The following TMEM132C variants were observed in gnomAD, a reference collection of about 807,000 sequenced individuals.
TMEM132C encodes the protein transmembrane protein 132C, also known as protein phosphatase 1, regulatory subunit 152.
A neutral mutation model predicts 61.4 loss-of-function variants in TMEM132C; 29 were observed. The ratio of observed to expected loss-of-function variants is 0.47; its 90% CI spans 0.35 to 0.64. TMEM132C has a LOEUF of 0.64. TMEM132C is among the 30% of genes least tolerant of loss of function. The pLI is 0.00. For missense variants in TMEM132C, 1,408 were observed against 1,476.9 expected (o/e 0.95, Z 0.76); for synonymous variants, 656 against 633.1 (o/e 1.04, Z -0.54).
chr12:128,449,772 T>C (rs544281386), intron 2 of TMEM132C, among the ~76,000 whole-genome samples: 1 of 152,252 alleles, frequency 6.6e-6, no homozygotes, highest in East Asian at 1.9e-4. Context: ...AGCTATGCAG[T>C]GATTAAAGTA....
intron 2 of TMEM132C, among the ~76,000 whole-genome samples, chr12:128,536,312 G>C (rs1425366021): frequency 1.3e-5 from 2 of 151,940 alleles, no homozygotes; most frequent in Non-Finnish European, 2.9e-5. Flanking sequence ...AACACCGCAT[G>C]TTCTCACTCA....
intron 1 of TMEM132C, among the ~76,000 whole-genome samples, chr12:128,410,099 C>A (rs185619548): frequency 1.3e-5 from 2 of 152,088 alleles, no homozygotes; most frequent in Admixed American, 6.5e-5. Context: ...CAGGAAAAAT[C>A]TCTAAGGAAG....
rs201528105 is a variant in TMEM132C at position 128,664,030 on chromosome 12, G to A, written c.1306-5387G>A. Among the ~76,000 whole-genome samples the A allele has an allele frequency of 4.2e-4, 42 of 99,754 alleles. 2 individuals are homozygous for A. The East Asian group carries it at 0.011, about 26-fold the overall frequency. 65.4% of individuals were successfully genotyped at this position (99,754 alleles called of 152,430 possible). ...CACACACGCATACACACAGGCACACGCACCCACACGCACGCACGCGGGCAC... is the reference window on the plus strand; with the variant it reads ...CACACACGCATACACACAGGCACACACACCCACACGCACGCACGCGGGCAC... On this transcript the variant is annotated intron_variant, in intron 4 of 8. Transcript: ENST00000435159.
chr12:128,672,436 G>A (rs1447339131), intron 5 of TMEM132C, among the ~76,000 whole-genome samples: 2 of 152,110 alleles, frequency 1.3e-5, no homozygotes. Context: ...TATCACAGCT[G>A]TATACATAGC....
chr12:128,522,238 G>C (rs1345600837), intron 2 of TMEM132C, among the ~76,000 whole-genome samples: 1 of 152,204 alleles, frequency 6.6e-6, no homozygotes, highest in Non-Finnish European at 1.5e-5. Context: ...CAAGCAGGAA[G>C]CTGCTGCTGC....
Position 128,267,377 on chromosome 12 carries a change from G to A in TMEM132C, c.-26G>A, listed in dbSNP as rs1870341496. On this transcript the variant is annotated 5_prime_UTR_variant, in exon 1 of 9. Coordinates refer to ENST00000435159, the MANE Select transcript of TMEM132C (RefSeq NM_001136103.3). ...GGCGCTGCGCTTCGGGCTGGCGGCG[G>A]GCTGCGTGAGCGGCCGGGACGCAGG... is the stretch of plus-strand genomic sequence containing the variant. 1.8e-6 allele frequency: 2 copies of A among 1,092,858 alleles called. No individual in the cohort carries two copies. Among genetic ancestry groups the A allele is most frequent in the African/African-American group, 1.7e-5 (1 of 59,416 alleles). 67.7% of individuals were successfully genotyped at this position (1,092,858 alleles called of 1,614,324 possible).
chr12:128,565,522 G>A (rs1355373450), intron 3 of TMEM132C, among the ~76,000 whole-genome samples: 1 of 152,210 alleles, frequency 6.6e-6, no homozygotes, highest in Admixed American at 6.5e-5. Flanking sequence ...ATAGGAAAAT[G>A]TAAATATAAG....
chr12:128,299,996 G>T (rs1236157032), intron 1 of TMEM132C, among the ~76,000 whole-genome samples: 1 of 152,152 alleles, frequency 6.6e-6, no homozygotes, highest in South Asian at 2.1e-4. Flanking sequence ...AGACACAGTC[G>T]GCCAGTGTTC....
chr12:128,529,005 C>T (rs983677829), intron 2 of TMEM132C, among the ~76,000 whole-genome samples: 4 of 152,300 alleles, frequency 2.6e-5, no homozygotes, highest in African/African-American at 9.6e-5. Flanking sequence ...AATGGTGCAT[C>T]TCACAGTCAT....
chr12:128,318,129 C>T (rs560401443), intron 1 of TMEM132C, among the ~76,000 whole-genome samples: 1 of 152,218 alleles, frequency 6.6e-6, no homozygotes, highest in Admixed American at 6.5e-5. Context: ...CGGATCTCAC[C>T]CTAACTCTTA....
At chr12:128,458,904 G>A (rs1346169657) in intron 2 of TMEM132C, among the ~76,000 whole-genome samples, 1 of 152,196 alleles carries the variant, frequency 6.6e-6, no homozygotes, top group Non-Finnish European at 1.5e-5. Context: ...TGTCTGCAAG[G>A]GAGGCTGGGG....
At chr12:128,359,935 T>C (rs1456883765) in intron 1 of TMEM132C, among the ~76,000 whole-genome samples, 1 of 152,214 alleles carries the variant, frequency 6.6e-6, no homozygotes, top group African/African-American at 2.4e-5. Flanking sequence ...AATATTAATT[T>C]AGAATCCAGG....
intron 1 of TMEM132C, among the ~76,000 whole-genome samples, chr12:128,382,627 A>G (rs1364551842): frequency 6.6e-6 from 1 of 152,240 alleles, no homozygotes; most frequent in Non-Finnish European, 1.5e-5. Flanking sequence ...CCCAACCTCC[A>G]GCTTTAATAA....
chr12:128,421,469 G>T (rs1207554651), intron 2 of TMEM132C, among the ~76,000 whole-genome samples: 2 of 152,232 alleles, frequency 1.3e-5, no homozygotes, highest in Non-Finnish European at 2.9e-5. Context: ...GAAACCCAAA[G>T]ACTTTCTCCA....
intron 2 of TMEM132C, among the ~76,000 whole-genome samples, chr12:128,464,416 C>G (rs1373084235): frequency 3.3e-5 from 5 of 152,144 alleles, no homozygotes; most frequent in Non-Finnish European, 7.3e-5. Flanking sequence ...AGCAGGTGAT[C>G]TCACCCAGAC....
intron 1 of TMEM132C, among the ~76,000 whole-genome samples, chr12:128,309,325 C>T (rs1206034466): frequency 2.6e-5 from 4 of 152,188 alleles, no homozygotes; most frequent in African/African-American, 9.6e-5. Flanking sequence ...TTGTGAACTT[C>T]AAATGTTTAG....
At chr12:128,582,414 CTTTTT>C (rs36054458) in intron 3 of TMEM132C, among the ~76,000 whole-genome samples, 11 of 132,524 alleles carry the variant, frequency 8.3e-5, no homozygotes, top group Admixed American at 1.5e-4. Context: ...ATAGATGCTG[CTTTTT>C]TTTTTTTTTT....
At chr12:128,475,417 A>T (rs1871125081) in intron 2 of TMEM132C, among the ~76,000 whole-genome samples, 1 of 152,128 alleles carries the variant, frequency 6.6e-6, no homozygotes, top group African/African-American at 2.4e-5. Context: ...AGAAATGGGG[A>T]GGGACCGCTA....
intron 1 of TMEM132C, among the ~76,000 whole-genome samples, chr12:128,382,629 C>T (rs1411044795): frequency 6.6e-6 from 1 of 152,176 alleles, no homozygotes; most frequent in Non-Finnish European, 1.5e-5. Context: ...CAACCTCCAG[C>T]TTTAATAATA....
Sources: gnomAD v4.1 joint callset for allele counts (sites outside exome capture counted in the v4.1 genomes callset) on GRCh38, gnomAD v4.1.1 for gene constraint, MANE v1.5 for transcripts, NCBI Gene and HGNC (gene_info 2026-07-23, HGNC 2026-07-21) for gene names.